Variants in MECOM observed in about 807,000 individuals in gnomAD.
MECOM encodes the protein MDS1 and EVI1 complex locus, also known as histone-lysine N-methyltransferase MECOM.
MECOM carries 13 observed loss-of-function variants against 116.3 expected under a neutral mutation model. That is an observed-to-expected ratio of 0.11 (90% CI 0.07 to 0.18). The LOEUF (loss-of-function observed/expected upper bound fraction) is 0.18. Among genes scored for constraint, MECOM ranks in the 10% least tolerant of loss-of-function variants. The pLI, the probability that MECOM is intolerant of heterozygous loss-of-function variation, is 1.00. For synonymous variants in MECOM, 528 were observed against 535.2 expected, an observed-to-expected ratio of 0.99 and a Z score of 0.19; for missense variants, 1,299 against 1,509.0, an observed-to-expected ratio of 0.86 and a Z score of 2.31.
chr3:169,482,328 C>CTTTTTTTTTTTTTTT (rs768771100), intron 1 of MECOM, among the ~76,000 whole-genome samples: 1 of 108,396 alleles, frequency 9.2e-6, no homozygotes, highest in Non-Finnish European at 1.8e-5. Flanking sequence ...AACCCACGTT[C>CTTTTTTTTTTTTTTT]TTTTTTTTTT....
At chr3:169,638,892 G>A (rs1315062978) in intron 1 of MECOM, among the ~76,000 whole-genome samples, 1 of 152,124 alleles carries the variant, frequency 6.6e-6, no homozygotes, top group East Asian at 1.9e-4. Context: ...ACCTAGGAGG[G>A]GTCACATGAT....
At chr3:169,271,501 T>C (rs1038826004) in intron 2 of MECOM, among the ~76,000 whole-genome samples, 4 of 152,236 alleles carry the variant, frequency 2.6e-5, no homozygotes, top group African/African-American at 9.6e-5. Flanking sequence ...TCCAAGTTTA[T>C]AATTTTTTAA....
chr3:169,616,305 GA>G (rs1769992470), intron 1 of MECOM, among the ~76,000 whole-genome samples: 1 of 152,108 alleles, frequency 6.6e-6, no homozygotes, highest in African/African-American at 2.4e-5. Flanking sequence ...CTCAGAAAAA[GA>G]AATGTATTCC....
chr3:169,569,014 G>A (rs754139280), intron 1 of MECOM, among the ~76,000 whole-genome samples: 3 of 152,024 alleles, frequency 2.0e-5, no homozygotes, highest in Non-Finnish European at 2.9e-5. Flanking sequence ...ATATAAACAG[G>A]CTAAATGCCC....
chr3:169,517,658 C>T (rs934145707), intron 1 of MECOM, among the ~76,000 whole-genome samples: 1 of 152,114 alleles, frequency 6.6e-6, no homozygotes, highest in African/African-American at 2.4e-5. Flanking sequence ...ATTTTCTAAA[C>T]ATTACAGTAG....
At chr3:169,562,487 T>C (rs190156604) in intron 1 of MECOM, among the ~76,000 whole-genome samples, 6 of 152,276 alleles carry the variant, frequency 3.9e-5, no homozygotes, top group Admixed American at 3.3e-4. Context: ...TGCAGCGTAT[T>C]ATGGTGGAGG....
chr3:169,488,372 CAAAAAA>C (rs758493062), intron 1 of MECOM, among the ~76,000 whole-genome samples: 7 of 62,394 alleles, frequency 1.1e-4, no homozygotes, highest in East Asian at 4.6e-4. Context: ...ACTAAAAATA[CAAAAAA>C]AAAAAAAAAA....
At chr3:169,542,360 A>G (rs1308526178) in intron 1 of MECOM, among the ~76,000 whole-genome samples, 2 of 151,926 alleles carry the variant, frequency 1.3e-5, no homozygotes, top group Non-Finnish European at 2.9e-5. Flanking sequence ...TTTGAGCAAT[A>G]CGACTCCCCC....
chr3:169,539,635 A>G (rs1320620306), intron 1 of MECOM, among the ~76,000 whole-genome samples: 2 of 152,164 alleles, frequency 1.3e-5, no homozygotes, highest in Non-Finnish European at 2.9e-5. Context: ...CCCCAGTGCA[A>G]AGACTATTCT....
intron 2 of MECOM, among the ~76,000 whole-genome samples, chr3:169,244,113 C>A (rs889947466): frequency 3.3e-5 from 5 of 152,220 alleles, no homozygotes; most frequent in African/African-American, 1.2e-4. Context: ...AAATGTGCCC[C>A]TCCACAACTC....
chr3:169,237,315 G>A (rs1754186665), intron 2 of MECOM, among the ~76,000 whole-genome samples: 1 of 152,084 alleles, frequency 6.6e-6, no homozygotes, highest in Non-Finnish European at 1.5e-5. Flanking sequence ...ATACTGAAAT[G>A]TAAAATCTTA....
At chr3:169,169,836 CTT>C (rs77967621) in intron 2 of MECOM, among the ~76,000 whole-genome samples, 2 of 144,810 alleles carry the variant, frequency 1.4e-5, no homozygotes, top group Admixed American at 6.9e-5. Flanking sequence ...TACAGTTCTA[CTT>C]TTTTTTTTTT....
chr3:169,399,936 A>G (rs896394116), intron 1 of MECOM, among the ~76,000 whole-genome samples: 11 of 152,184 alleles, frequency 7.2e-5, no homozygotes, highest in African/African-American at 1.2e-4. Context: ...CCAATTATAA[A>G]TAAACTCCCA....
At chr3:169,318,893 G>A (rs1245034989) in intron 2 of MECOM, among the ~76,000 whole-genome samples, 2 of 152,084 alleles carry the variant, frequency 1.3e-5, no homozygotes, top group East Asian at 3.9e-4. Flanking sequence ...GAGGTCAGGA[G>A]TTCGAGACCA....
chr3:169,585,240 A>G (rs1448370047), intron 1 of MECOM, among the ~76,000 whole-genome samples: 1 of 152,202 alleles, frequency 6.6e-6, no homozygotes. Flanking sequence ...GTATGGTTCT[A>G]TTATCCCAGA....
At chr3:169,445,912 A>G (rs566084677) in intron 1 of MECOM, among the ~76,000 whole-genome samples, 3 of 152,278 alleles carry the variant, frequency 2.0e-5, no homozygotes, top group Admixed American at 6.5e-5. Context: ...TTGGACTTGC[A>G]TGGGCCCTGT....
Position 169,115,558 on chromosome 3 carries a change from G to A in MECOM, c.2314C>T (p.Pro772Ser). The change falls in exon 8 of 17, where the codon CCC (proline) becomes TCC (serine). Residue 772 changes from proline to serine, a missense_variant. Pro to Ser is a moderately conservative substitution (Grantham distance 74). Transcript: ENST00000651503. ...PVTPATSQDQ[P>S]LDLSMGSRSR... Reference sequence around the variant, plus strand: ...CTACTGCCCATACTTAGATCCAGGGGCTGGTCTTGGCTTGTGGCAGGTGTC... The same window carrying A: ...CTACTGCCCATACTTAGATCCAGGGACTGGTCTTGGCTTGTGGCAGGTGTC... 1 of 1,614,118 alleles carries A rather than the reference G, an allele frequency of 6.2e-7. No individual in the cohort carries two copies.
At chr3:169,316,561 CT>C (rs910891284) in intron 2 of MECOM, among the ~76,000 whole-genome samples, 3 of 151,988 alleles carry the variant, frequency 2.0e-5, no homozygotes, top group African/African-American at 7.3e-5. Context: ...AGAAAATATA[CT>C]TTTTTTAAGA....
At chr3:169,417,045 G>A (rs1242380651) in intron 1 of MECOM, among the ~76,000 whole-genome samples, 1 of 151,800 alleles carries the variant, frequency 6.6e-6, no homozygotes, top group Admixed American at 6.6e-5. Flanking sequence ...ACATAGGCGT[G>A]GGCAAGGACT....
Sources: allele counts gnomAD v4.1 joint callset (sites outside exome capture counted in the v4.1 genomes callset), GRCh38; gene constraint gnomAD v4.1.1; transcripts MANE v1.5; gene names NCBI Gene and HGNC (gene_info 2026-07-23, HGNC 2026-07-21).